CNTN4: variants seen among roughly 807,000 people sequenced by gnomAD.
The protein encoded by CNTN4 is contactin 4, also known as contactin-4.
A neutral mutation model predicts 122.5 loss-of-function variants in CNTN4; 77 were observed. That is an observed-to-expected ratio of 0.63 (90% confidence interval 0.52 to 0.76). CNTN4 has a LOEUF of 0.76. CNTN4 is among the 30% of genes least tolerant of loss of function. The pLI, the probability that CNTN4 is intolerant of heterozygous loss-of-function variation, is 0.00. For missense variants in CNTN4, 1,256 were observed against 1,259.1 expected (o/e 1.00, Z 0.04); for synonymous variants, 512 against 447.0 (o/e 1.15, Z -1.83).
intron 3 of CNTN4, among the ~76,000 whole-genome samples, chr3:2,569,684 A>G (rs1483517471): frequency 6.6e-6 from 1 of 152,062 alleles, no homozygotes; most frequent in East Asian, 1.9e-4. Flanking sequence ...GGCTAGGTGG[A>G]GTGGTCTACC....
intron 3 of CNTN4, among the ~76,000 whole-genome samples, chr3:2,501,289 A>T (rs749508900): frequency 2.0e-5 from 3 of 152,210 alleles, no homozygotes; most frequent in Non-Finnish European, 2.9e-5. Flanking sequence ...TAGGAAGTGT[A>T]AATTTGGGCT....
intron 3 of CNTN4, among the ~76,000 whole-genome samples, chr3:2,403,598 G>A (rs2046933775): frequency 6.6e-6 from 1 of 152,116 alleles, no homozygotes; most frequent in Admixed American, 6.6e-5. Context: ...TAAATTAGTA[G>A]TCTAGGCTAA....
chr3:2,152,797 C>T (rs545504412), intron 2 of CNTN4, among the ~76,000 whole-genome samples: 1 of 152,204 alleles, frequency 6.6e-6, no homozygotes, highest in African/African-American at 2.4e-5. Context: ...CGATGTGAGA[C>T]AAAAGCAGGG....
chr3:2,528,536 G>A (rs1211720108), intron 3 of CNTN4, among the ~76,000 whole-genome samples: 3 of 152,074 alleles, frequency 2.0e-5, no homozygotes, highest in Non-Finnish European at 4.4e-5. Context: ...AGGTGAAACC[G>A]AAACTGATTT....
At chr3:2,726,520 G>C (rs1383749969) in intron 4 of CNTN4, among the ~76,000 whole-genome samples, 1 of 152,140 alleles carries the variant, frequency 6.6e-6, no homozygotes, top group Non-Finnish European at 1.5e-5. Flanking sequence ...AAAAATCACA[G>C]ATGTCTACTA....
chr3:2,503,496 C>T (rs1226353950), intron 3 of CNTN4, among the ~76,000 whole-genome samples: 1 of 152,092 alleles, frequency 6.6e-6, no homozygotes, highest in Non-Finnish European at 1.5e-5. Flanking sequence ...CATGATTTAG[C>T]TCATTTAATT....
chr3:2,893,557 G>A (rs186901974), intron 10 of CNTN4, among the ~76,000 whole-genome samples: 3 of 152,224 alleles, frequency 2.0e-5, no homozygotes, highest in Admixed American at 2.0e-4. Context: ...AAAGTATGTT[G>A]CTACAGTTTT....
chr3:2,728,207 A>G (rs781068710), intron 4 of CNTN4, among the ~76,000 whole-genome samples: 1 of 152,240 alleles, frequency 6.6e-6, no homozygotes, highest in Non-Finnish European at 1.5e-5. Context: ...TCACTCTTAC[A>G]GTATTTCATT....
In CNTN4 at chr3:2,998,433, C is replaced by G. The variant is rs1695733973; in HGVS notation, c.1486+9961C>G. 2.0e-5 allele frequency among the ~76,000 whole-genome samples: 3 copies of G among 152,094 alleles called. No homozygotes were observed. In the South Asian group the frequency reaches 6.2e-4, roughly 31 times the overall value. On this transcript the variant is annotated intron_variant, in intron 14 of 24. Transcript: ENST00000418658. ...AACCAGAATCTCCAGGGATGAGACC[C>G]AGGAATTTTCATTTTCAACAAGTTC...
chr3:2,705,896 A>AAT (rs2086694939), intron 4 of CNTN4, among the ~76,000 whole-genome samples: 1 of 64,216 alleles, frequency 1.6e-5, no homozygotes, highest in African/African-American at 5.1e-5. Context: ...TAATATATAA[A>AAT]ATATATATTA....
At chr3:2,312,697 A>G (rs1334552302) in intron 2 of CNTN4, among the ~76,000 whole-genome samples, 1 of 152,144 alleles carries the variant, frequency 6.6e-6, no homozygotes, top group Non-Finnish European at 1.5e-5. Context: ...ATGAGTATAA[A>G]GAACACAGCT....
At chr3:2,106,116 G>T (rs1056714505) in intron 2 of CNTN4, among the ~76,000 whole-genome samples, 1 of 152,228 alleles carries the variant, frequency 6.6e-6, no homozygotes, top group African/African-American at 2.4e-5. Context: ...GTCTGGGGCA[G>T]TTCTGCCCCT....
At chr3:2,666,966 A>G (rs2084206381) in intron 4 of CNTN4, among the ~76,000 whole-genome samples, 1 of 152,034 alleles carries the variant, frequency 6.6e-6, no homozygotes, top group Non-Finnish European at 1.5e-5. Context: ...TATATGTGCC[A>G]CATTTTCTTA....
intron 2 of CNTN4, among the ~76,000 whole-genome samples, chr3:2,131,259 A>G (rs2034436324): frequency 6.6e-6 from 1 of 152,158 alleles, no homozygotes; most frequent in Non-Finnish European, 1.5e-5. Flanking sequence ...GTCGAATTAG[A>G]CACCAAATCT....
intron 3 of CNTN4, among the ~76,000 whole-genome samples, chr3:2,392,098 A>C (rs1053398411): frequency 6.6e-6 from 1 of 152,220 alleles, no homozygotes; most frequent in Admixed American, 6.5e-5. Context: ...ATGTTGCTAC[A>C]TGACCCCAGA....
intron 4 of CNTN4, among the ~76,000 whole-genome samples, chr3:2,635,437 A>T: frequency 6.6e-6 from 1 of 152,204 alleles, no homozygotes; most frequent in African/African-American, 2.4e-5. Context: ...ATCTGTGAGT[A>T]AAAAAGGTGC....
At chr3:2,603,629 T>G (rs1288036388) in intron 4 of CNTN4, among the ~76,000 whole-genome samples, 1 of 152,238 alleles carries the variant, frequency 6.6e-6, no homozygotes, top group Non-Finnish European at 1.5e-5. Flanking sequence ...CTTAAAGATT[T>G]TTTGCCTTAT....
intron 20 of CNTN4, among the ~76,000 whole-genome samples, chr3:3,040,673 T>C (rs1350150811): frequency 6.6e-6 from 1 of 152,212 alleles, no homozygotes; most frequent in Non-Finnish European, 1.5e-5. Context: ...ACACCTGTAA[T>C]CCCAACACTT....
intron 6 of CNTN4, among the ~76,000 whole-genome samples, chr3:2,764,782 G>A (rs940527448): frequency 2.0e-5 from 3 of 152,180 alleles, no homozygotes; most frequent in Non-Finnish European, 4.4e-5. Flanking sequence ...TGCTTTGCAT[G>A]TACCAGCCAT....
Sources: allele counts gnomAD v4.1 joint callset (sites outside exome capture counted in the v4.1 genomes callset), GRCh38; gene constraint gnomAD v4.1.1; transcripts MANE v1.5; gene names NCBI Gene and HGNC (gene_info 2026-07-23, HGNC 2026-07-21).